RIMS2: variants seen among roughly 807,000 people sequenced by gnomAD.
RIMS2 encodes regulating synaptic membrane exocytosis protein 2.
A neutral mutation model predicts 174.4 loss-of-function variants in RIMS2; 59 were observed. That is an observed-to-expected ratio of 0.34 (90% confidence interval 0.27 to 0.42). The LOEUF is 0.42. Among genes scored for constraint, RIMS2 ranks in the 10% least tolerant of loss-of-function variants. The probability of loss-of-function intolerance (pLI) is 1.00; values close to 1 mark genes in which losing one functional copy is unlikely to be tolerated. For missense variants in RIMS2, 1,620 were observed against 1,666.3 expected, an observed-to-expected ratio of 0.97 and a Z score of 0.48; for synonymous variants, 606 against 572.5, an observed-to-expected ratio of 1.06 and a Z score of -0.84.
chr8:103,796,838 G>C (rs371081987), intron 3 of RIMS2, among the ~76,000 whole-genome samples: 6 of 152,282 alleles, frequency 3.9e-5, no homozygotes, highest in African/African-American at 1.2e-4. Context: ...GCATTTGGCT[G>C]TCCAGGTTGT....
chr8:103,729,890 A>G (rs1206456072), intron 2 of RIMS2, among the ~76,000 whole-genome samples: 1 of 152,036 alleles, frequency 6.6e-6, no homozygotes, highest in Non-Finnish European at 1.5e-5. Context: ...GTTTTATTTC[A>G]TTGTGGTCAG....
At chr8:103,619,321 T>G (rs1310403621) in intron 1 of RIMS2, among the ~76,000 whole-genome samples, 1 of 152,014 alleles carries the variant, frequency 6.6e-6, no homozygotes. Flanking sequence ...TTCTAGATGA[T>G]ATCAACATTG....
chr8:103,745,969 T>A (rs150033584), intron 2 of RIMS2, among the ~76,000 whole-genome samples: 202 of 152,340 alleles, frequency 1.3e-3, no homozygotes, highest in African/African-American at 4.5e-3. Context: ...CCAATTTATC[T>A]ATTTTTTGTT....
chr8:103,892,154 G>C (rs1363062524), intron 4 of RIMS2, among the ~76,000 whole-genome samples: 1 of 151,574 alleles, frequency 6.6e-6, no homozygotes, highest in Non-Finnish European at 1.5e-5. Context: ...AAAATTTTTA[G>C]GACAAATTCT....
At chr8:103,608,818 C>T (rs1241173382) in intron 1 of RIMS2, among the ~76,000 whole-genome samples, 3 of 152,198 alleles carry the variant, frequency 2.0e-5, no homozygotes, top group Non-Finnish European at 4.4e-5. Flanking sequence ...GTTGCACTTC[C>T]CAAGTGAGGC....
chr8:104,055,408 G>C (rs1389233910), intron 19 of RIMS2, among the ~76,000 whole-genome samples: 1 of 152,074 alleles, frequency 6.6e-6, no homozygotes, highest in East Asian at 1.9e-4. Flanking sequence ...CCTTTAATGT[G>C]GGTATTTAGC....
At chr8:103,666,954 C>A (rs962229650) in intron 1 of RIMS2, among the ~76,000 whole-genome samples, 4 of 152,126 alleles carry the variant, frequency 2.6e-5, no homozygotes, top group African/African-American at 9.7e-5. Flanking sequence ...AACCATTTGA[C>A]ATTCTATAGA....
chr8:104,061,142 G>A (rs548522895), intron 19 of RIMS2, among the ~76,000 whole-genome samples: 78 of 152,224 alleles, frequency 5.1e-4, no homozygotes, highest in African/African-American at 1.5e-3. Context: ...TTTCTGTCTC[G>A]TTGATCTGTC....
intron 19 of RIMS2, among the ~76,000 whole-genome samples, chr8:104,045,347 T>G (rs1443959041): frequency 6.6e-6 from 1 of 151,892 alleles, no homozygotes; most frequent in Admixed American, 6.6e-5. Context: ...CACTTGCAAA[T>G]CATAATGAAG....
At chr8:103,919,565 G>C (rs982059786) in intron 9 of RIMS2, among the ~76,000 whole-genome samples, 1 of 151,848 alleles carries the variant, frequency 6.6e-6, no homozygotes, top group Non-Finnish European at 1.5e-5. Context: ...CTAGTGAGAA[G>C]GCTAATCTAG....
intron 1 of RIMS2, among the ~76,000 whole-genome samples, chr8:103,598,210 G>A (rs2094551807): frequency 6.6e-6 from 1 of 152,142 alleles, no homozygotes; most frequent in African/African-American, 2.4e-5. Flanking sequence ...CACAACTTTT[G>A]TATGAGCCCC....
At chr8:104,100,074 G>T (rs973697780) in intron 19 of RIMS2, among the ~76,000 whole-genome samples, 1 of 152,004 alleles carries the variant, frequency 6.6e-6, no homozygotes, top group African/African-American at 2.4e-5. Context: ...TCCCTACTCA[G>T]CCTCCCAAAG....
At position 103,988,709 on chromosome 8, in the gene RIMS2, C is replaced by T. The variant is rs537741487; in HGVS notation, c.2928-596C>T. On this transcript the variant is annotated intron_variant, in intron 16 of 23. Coordinates refer to ENST00000504942, the Ensembl canonical transcript of RIMS2. ...TCCCGACCTCACGTGATCTGCCCAC[C>T]TCAGCCTCCCAAAGTGCTGGAATTA... 8.5e-5 allele frequency among the ~76,000 whole-genome samples: 13 copies of T among 152,260 alleles called. No individual in the cohort carries two copies. In the East Asian group the frequency reaches 2.5e-3, roughly 29 times the overall value.
chr8:104,238,497 A>G (rs2099270651), intron 19 of RIMS2, among the ~76,000 whole-genome samples: 1 of 152,078 alleles, frequency 6.6e-6, no homozygotes, highest in Non-Finnish European at 1.5e-5. Flanking sequence ...GAGGGGAGAG[A>G]AGTCATGTCC....
At position 103,502,787 on chromosome 8, in the gene RIMS2, A is replaced by G. The variant is rs1820999651; in HGVS notation, c.176+1725A>G. Reference sequence around the variant, plus strand: ...AAATGTAGTTTTATTTTTTTGACTTACCTATTTAAATGTAAAATGTGTTTT... The same window carrying G: ...AAATGTAGTTTTATTTTTTTGACTTGCCTATTTAAATGTAAAATGTGTTTT... On this transcript the variant is annotated intron_variant, in intron 1 of 23. Coordinates refer to ENST00000504942, the Ensembl canonical transcript of RIMS2. Among the ~76,000 whole-genome samples, 3 of 152,018 alleles carry G rather than the reference A, an allele frequency of 2.0e-5. No homozygotes were observed. In the South Asian group the frequency reaches 6.2e-4, roughly 31 times the overall value.
At chr8:104,194,430 C>A (rs1411539029) in intron 19 of RIMS2, among the ~76,000 whole-genome samples, 5 of 152,048 alleles carry the variant, frequency 3.3e-5, no homozygotes, top group Non-Finnish European at 7.4e-5. Flanking sequence ...TAAATAAAGA[C>A]TGAATGTAAA....
intron 2 of RIMS2, among the ~76,000 whole-genome samples, chr8:103,709,554 T>C (rs1331432458): frequency 1.3e-5 from 2 of 152,204 alleles, no homozygotes; most frequent in Non-Finnish European, 2.9e-5. Context: ...AGTTTAGCAC[T>C]AATTATTCTC....
chr8:103,918,087 C>T (rs945968782), intron 8 of RIMS2, among the ~76,000 whole-genome samples: 10 of 152,058 alleles, frequency 6.6e-5, no homozygotes, highest in African/African-American at 2.2e-4. Context: ...GCAGGTAAAA[C>T]CAAAGAGCAG....
At chr8:103,683,081 G>C (rs777551310) in intron 1 of RIMS2, among the ~76,000 whole-genome samples, 3 of 152,134 alleles carry the variant, frequency 2.0e-5, no homozygotes, top group Non-Finnish European at 2.9e-5. Context: ...TGGATTTTTA[G>C]TTTCTGTTCC....
Sources: allele counts gnomAD v4.1 joint callset (sites outside exome capture counted in the v4.1 genomes callset), GRCh38; gene constraint gnomAD v4.1.1; transcripts MANE v1.5; gene names NCBI Gene and HGNC (gene_info 2026-07-23, HGNC 2026-07-21).